COL6A5: variants seen among roughly 807,000 people sequenced by gnomAD.
The protein encoded by COL6A5 is collagen type VI alpha 5 chain, also known as collagen alpha-5(VI) chain.
A neutral mutation model predicts 65.6 loss-of-function variants in COL6A5; 48 were observed. That is an observed-to-expected ratio of 0.73 (90% CI 0.58 to 0.93). The LOEUF (loss-of-function observed/expected upper bound fraction) is 0.93. COL6A5 is among the 40% of genes least tolerant of loss of function. COL6A5 has a pLI of 0.00. For missense variants in COL6A5, 914 were observed against 928.3 expected, an observed-to-expected ratio of 0.98 and a Z score of 0.20; for synonymous variants, 291 against 322.8, an observed-to-expected ratio of 0.90 and a Z score of 1.05.
chr3:130,376,364 C>T lies in COL6A5; in HGVS notation c.195C>T (p.Asn65=), dbSNP rs779152495. The T allele has an allele frequency of 3.7e-6, 6 of 1,613,638 alleles. No homozygotes were observed. In the Admixed American group the frequency reaches 1.0e-4, roughly 27 times the overall value. Residue 65 remains asparagine (N), a synonymous_variant and NMD_transcript_variant, in exon 3 of 42, where the codon AAC becomes AAT. Coordinates refer to the COL6A5 transcript ENST00000312481. ...TCAACAGTCTCCCCATAGAGGCCAACAAATACCGTGTAGCCCTGGCCCAGT... is the reference window on the plus strand; with the variant it reads ...TCAACAGTCTCCCCATAGAGGCCAATAAATACCGTGTAGCCCTGGCCCAGT...
chr3:130,469,023 GCTACTCTCCTC>G lies in COL6A5; in HGVS notation c.1775_1785del (p.Tyr593ArgfsTer5). 1 of 1,612,840 alleles carries G rather than the reference GCTACTCTCCTC, an allele frequency of 6.2e-7. No individual in the cohort carries two copies. The highest frequency in any genetic ancestry group is 8.5e-7 in the Non-Finnish European group (1 of 1,179,406). On this transcript the variant is annotated frameshift_variant, in exon 6 of 8. Coordinates refer to ENST00000512836, the Ensembl canonical transcript of COL6A5. LOFTEE classifies it high-confidence loss of function. The stretch of plus-strand genomic sequence containing the variant: ...TTAGGAGACAGGGTTGCTGTCCTGA[GCTACTCTCCTC>G]CAGGCTATATGCCTAACACTGAAGA...
intron 1 of COL6A5, among the ~76,000 whole-genome samples, chr3:130,371,653 C>T (rs1935565120): frequency 1.3e-5 from 2 of 151,968 alleles, no homozygotes; most frequent in South Asian, 4.1e-4. Flanking sequence ...TGTATCCCTA[C>T]CTCACCCCAT....
chr3:130,473,355 A>G (rs73868683), intron 7 of COL6A5, among the ~76,000 whole-genome samples: 1,828 of 152,034 alleles, frequency 0.012, 37 homozygotes, highest in African/African-American at 0.041. Flanking sequence ...AGTGAAGTAG[A>G]TGTCTAAACC....
intron 1 of COL6A5, among the ~76,000 whole-genome samples, chr3:130,348,390 T>C (rs1001335076): frequency 6.6e-6 from 1 of 152,212 alleles, no homozygotes; most frequent in Non-Finnish European, 1.5e-5. Context: ...TTTCTGTTCT[T>C]GTGTTAGTTT....
At position 130,469,198 on chromosome 3, in the gene COL6A5, T is replaced by C. The variant is rs186032617; in HGVS notation, c.1950T>C (p.Phe650=). 8.1e-6 allele frequency: 13 copies of C among 1,613,312 alleles called. No homozygotes were observed. In the East Asian group the frequency reaches 2.9e-4, roughly 36 times the overall value. Residue 650 remains phenylalanine, a synonymous_variant, in exon 6 of 8, where the codon TTT becomes TTC. Coordinates refer to ENST00000512836, the Ensembl canonical transcript of COL6A5. Reference sequence around the variant, plus strand: ...TGCAGTGGACAATTGACAATGTCTTTGTAGGAACCCCCAATCTGAGGAAAA... The same window carrying C: ...TGCAGTGGACAATTGACAATGTCTTCGTAGGAACCCCCAATCTGAGGAAAA...
At chr3:130,379,734 G>C in exon 4 of COL6A5, 3 of 1,551,452 alleles carry the variant, frequency 1.9e-6, no homozygotes, top group East Asian at 2.4e-5. Context: ...GCTTCTCAGA[G>C]TCATATGGCA....
chr3:130,376,794 G>A lies in COL6A5; in HGVS notation c.625G>A (p.Val209Ile). The change falls in exon 3 of 42, where the codon GTA (valine) becomes ATA (isoleucine). Residue 209 changes from valine (V) to isoleucine (I), a missense_variant and NMD_transcript_variant. Transcript: ENST00000312481. ...AAACATGACACAGATCATCAAGGAT[G>A]TAACCAAGTATAAGGAGGGAGCCGT... 1.9e-6 allele frequency: 3 copies of A among 1,613,444 alleles called. No individual in the cohort carries two copies. The South Asian group carries it at 3.3e-5, about 18-fold the overall frequency.
intron 1 of COL6A5, among the ~76,000 whole-genome samples, chr3:130,350,728 A>T (rs1934671653): frequency 6.6e-6 from 1 of 152,202 alleles, no homozygotes; most frequent in Admixed American, 6.5e-5. Flanking sequence ...GAAAATGGCC[A>T]TACTGCCCAA....
chr3:130,383,990 A>G (rs1936094371), intron 4 of COL6A5, among the ~76,000 whole-genome samples: 1 of 152,116 alleles, frequency 6.6e-6, no homozygotes, highest in Non-Finnish European at 1.5e-5. Context: ...ACAAATGAAG[A>G]AGGTAACTTC....
intron 5 of COL6A5, among the ~76,000 whole-genome samples, chr3:130,460,767 G>A (rs1307563819): frequency 1.3e-5 from 2 of 151,776 alleles, no homozygotes; most frequent in East Asian, 3.9e-4. Context: ...TGGTGGTGGT[G>A]GAGGTGGTGG....
intron 1 of COL6A5, among the ~76,000 whole-genome samples, chr3:130,371,760 G>A (rs1399920728): frequency 1.3e-5 from 2 of 152,114 alleles, no homozygotes; most frequent in African/African-American, 2.4e-5. Flanking sequence ...ATGACTGTAG[G>A]CAATGGTGTT....
intron 29 of COL6A5, 127 bp downstream of exon 29, chr3:130,424,027 C>T: frequency 1.6e-6 from 1 of 609,706 alleles, no homozygotes; most frequent in Non-Finnish European, 2.8e-6. Context: ...AGCTATATGA[C>T]CCAGTCACTG....
intron 7 of COL6A5, among the ~76,000 whole-genome samples, chr3:130,481,747 G>C (rs1040219193): frequency 1.3e-5 from 2 of 152,136 alleles, no homozygotes; most frequent in African/African-American, 4.8e-5. Context: ...TCTAACTGGC[G>C]TGAGATAGTA....
chr3:130,425,418 A>AT (rs983913715), intron 29 of COL6A5, among the ~76,000 whole-genome samples: 8 of 152,060 alleles, frequency 5.3e-5, no homozygotes, highest in African/African-American at 1.2e-4. Flanking sequence ...ATGAAATCAC[A>AT]TTTTTTTTGA....
chr3:130,457,534 A>G (rs140298573), intron 5 of COL6A5, among the ~76,000 whole-genome samples: 4 of 152,234 alleles, frequency 2.6e-5, no homozygotes, highest in Non-Finnish European at 5.9e-5. Context: ...TAGCTCTAGC[A>G]GGGAAAAAAA....
chr3:130,440,615 A>G, exon 3 of COL6A5: 8 of 1,613,440 alleles, frequency 5.0e-6, no homozygotes, highest in Non-Finnish European at 6.8e-6. Context: ...AAATTATGAG[A>G]GAAAAGAATT....
exon 8 of COL6A5, chr3:130,484,722 A>T (rs992394906): frequency 1.3e-5 from 5 of 398,704 alleles, no homozygotes; most frequent in Non-Finnish European, 2.2e-5. Flanking sequence ...TGCTTTGTGT[A>T]TACTGAATTT....
intron 1 of COL6A5, 143 bp from the exon 34 acceptor site, chr3:130,439,379 G>GTGTGTGTGTGAA: frequency 3.6e-6 from 2 of 553,568 alleles, no homozygotes; most frequent in Non-Finnish European, 3.3e-6. Flanking sequence ...GTGTGTGTGT[G>GTGTGTGTGTGAA]AACATGCACT....
At chr3:130,416,774 G>T in exon 24 of COL6A5, 1 of 1,533,112 alleles carries the variant, frequency 6.5e-7, no homozygotes, top group Non-Finnish European at 8.8e-7. Context: ...CTGGGCTAAT[G>T]GGAGCTAAAG....
Sources: allele counts gnomAD v4.1 joint callset (sites outside exome capture counted in the v4.1 genomes callset), GRCh38; gene constraint gnomAD v4.1.1; transcripts MANE v1.5; gene names NCBI Gene and HGNC (gene_info 2026-07-23, HGNC 2026-07-21).